Variants in PTPRC observed in about 807,000 individuals in gnomAD.
PTPRC encodes the protein receptor-type tyrosine-protein phosphatase C.
A neutral mutation model predicts 155.9 loss-of-function variants in PTPRC; 44 were observed. The ratio of observed to expected loss-of-function variants is 0.28; its 90% CI spans 0.22 to 0.36. The LOEUF (loss-of-function observed/expected upper bound fraction) is 0.36, where lower values mean the gene tolerates loss of function less well. PTPRC is among the 10% of genes least tolerant of loss of function. PTPRC has a pLI of 1.00. For missense variants in PTPRC, 1,401 were observed against 1,564.6 expected (o/e 0.90, Z 1.76); for synonymous variants, 525 against 533.1 (o/e 0.98, Z 0.21).
intron 2 of PTPRC, among the ~76,000 whole-genome samples, chr1:198,647,292 T>C (rs1330265674): frequency 6.6e-6 from 1 of 151,844 alleles, no homozygotes; most frequent in Non-Finnish European, 1.5e-5. Flanking sequence ...CAGCAACTGG[T>C]GAGCTCATGT....
Position 198,754,266 on chromosome 1 carries a change from T to C in PTPRC, c.3510-3T>C, listed in dbSNP as rs142096878. 2.9e-4 allele frequency: 465 copies of C among 1,607,198 alleles called. 2 individuals carry two copies. In the African/African-American group the frequency reaches 5.8e-3, roughly 20 times the overall value. Reference sequence around the variant, plus strand: ...TATTTTCTATCTTTTCTTTCTTTTATAGGGATGGATCTCAGCAAACGGGAA... The same window carrying C: ...TATTTTCTATCTTTTCTTTCTTTTACAGGGATGGATCTCAGCAAACGGGAA... On this transcript the variant is annotated splice_polypyrimidine_tract_variant and splice_region_variant and intron_variant, in intron 31 of 32. Transcript: ENST00000442510.
At chr1:198,736,974 C>T (rs1338168690) in intron 23 of PTPRC, among the ~76,000 whole-genome samples, 1 of 151,416 alleles carries the variant, frequency 6.6e-6, no homozygotes, top group African/African-American at 2.4e-5. Flanking sequence ...ATCTGTTTAC[C>T]ATTTGTATGT....
chr1:198,757,038 A>AAAT lies in PTPRC; in HGVS notation c.*859_*861dup, dbSNP rs1408327747. 1 of 151,934 alleles carries AAAT rather than the reference A, an allele frequency of 6.6e-6. No individual in the cohort carries two copies. Among genetic ancestry groups the AAAT allele is most frequent in the Non-Finnish European group, 1.5e-5 (1 of 67,860 alleles). 9.4% of individuals were successfully genotyped at this position (151,934 alleles called of 1,614,324 possible). On this transcript the variant is annotated 3_prime_UTR_variant, in exon 33 of 33. Coordinates refer to ENST00000442510, the MANE Select transcript of PTPRC (RefSeq NM_002838.5). ...ATATGTATTAATATTCATTGTATAA[A>AAAT]AATAGAAGAATACAAACATATTTGT...
intron 10 of PTPRC, among the ~76,000 whole-genome samples, chr1:198,709,296 G>A (rs1653161289): frequency 6.6e-6 from 1 of 152,044 alleles, no homozygotes; most frequent in Non-Finnish European, 1.5e-5. Flanking sequence ...ACATAACACA[G>A]AATTTAGTCA....
chr1:198,712,882 C>A, intron 11 of PTPRC, 71 bp from the exon 12 acceptor site: 2 of 1,465,410 alleles, frequency 1.4e-6, no homozygotes, highest in Admixed American at 1.7e-5. Flanking sequence ...ATAATGCATG[C>A]TTATAATATG....
chr1:198,677,025 A>G (rs1303777523), intron 2 of PTPRC, among the ~76,000 whole-genome samples: 1 of 152,220 alleles, frequency 6.6e-6, no homozygotes, highest in East Asian at 1.9e-4. Flanking sequence ...AGTTTTATCT[A>G]TAACTGGATT....
At chr1:198,684,261 G>A (rs1041516908) in intron 2 of PTPRC, among the ~76,000 whole-genome samples, 1 of 151,286 alleles carries the variant, frequency 6.6e-6, no homozygotes, top group African/African-American at 2.4e-5. Flanking sequence ...ATAACATGAT[G>A]TTTTAAACCA....
At chr1:198,727,547 T>G (rs185922478) in intron 15 of PTPRC, among the ~76,000 whole-genome samples, 2 of 152,246 alleles carry the variant, frequency 1.3e-5, no homozygotes, top group East Asian at 3.9e-4. Context: ...TTAGCCACAT[T>G]TTAGGATTTT....
chr1:198,664,721 G>C (rs1316893619), intron 2 of PTPRC, among the ~76,000 whole-genome samples: 2 of 152,092 alleles, frequency 1.3e-5, no homozygotes, highest in Admixed American at 1.3e-4. Context: ...AGAATAGGCT[G>C]TTTGGGAAGA....
chr1:198,720,805 A>G (rs903500930), intron 14 of PTPRC, among the ~76,000 whole-genome samples: 1 of 152,182 alleles, frequency 6.6e-6, no homozygotes, highest in Non-Finnish European at 1.5e-5. Context: ...TTCAAAGAAT[A>G]GTCAACCTAA....
At chr1:198,691,827 T>A (rs1665943794) in intron 2 of PTPRC, among the ~76,000 whole-genome samples, 1 of 152,070 alleles carries the variant, frequency 6.6e-6, no homozygotes, top group South Asian at 2.1e-4. Flanking sequence ...CCTGTTATGT[T>A]CTCCTTTAGC....
chr1:198,729,063 TA>T, intron 16 of PTPRC, 73 bp from the exon 17 acceptor site: 1 of 1,521,320 alleles, frequency 6.6e-7, no homozygotes, highest in Non-Finnish European at 9.0e-7. Flanking sequence ...ATATATTCAT[TA>T]AATATAAGTA....
At chr1:198,704,223 A>G (rs1161993694) in intron 7 of PTPRC, among the ~76,000 whole-genome samples, 2 of 152,166 alleles carry the variant, frequency 1.3e-5, no homozygotes, top group East Asian at 3.8e-4. Context: ...GCGTACCTAA[A>G]AGTCTTAATA....
chr1:198,733,264 CTA>C (rs1654480569), intron 20 of PTPRC, among the ~76,000 whole-genome samples: 2 of 151,672 alleles, frequency 1.3e-5, no homozygotes. Context: ...CCAGAAATAA[CTA>C]TATTTTCTAT....
chr1:198,734,447 A>C lies in PTPRC; in HGVS notation c.2277+22A>C, dbSNP rs755042765. On this transcript the variant is annotated intron_variant, in intron 22 of 32. Transcript: ENST00000442510. Reference sequence around the variant, plus strand: ...CAGGGTAAGAACCAAGAAGATTCATAGTGTGGGTCTTGGGGTTAGGAAAAC... The same window carrying C: ...CAGGGTAAGAACCAAGAAGATTCATCGTGTGGGTCTTGGGGTTAGGAAAAC... 1.9e-6 allele frequency: 3 copies of C among 1,602,644 alleles called. No individual in the cohort carries two copies. In the African/African-American group the frequency reaches 4.0e-5, roughly 22 times the overall value.
intron 15 of PTPRC, 144 bp downstream of exon 15, chr1:198,722,620 C>A: frequency 2.8e-6 from 1 of 362,754 alleles, no homozygotes; most frequent in South Asian, 9.6e-5. Context: ...TTTTAATTGT[C>A]AGTAAAACCA....
intron 2 of PTPRC, among the ~76,000 whole-genome samples, chr1:198,649,075 T>G (rs577293724): frequency 6.6e-6 from 1 of 151,874 alleles, no homozygotes; most frequent in South Asian, 2.1e-4. Flanking sequence ...ACCAGGTAAA[T>G]CCATCCTACA....
At chr1:198,668,251 C>T (rs933480014) in intron 2 of PTPRC, among the ~76,000 whole-genome samples, 2 of 151,996 alleles carry the variant, frequency 1.3e-5, no homozygotes, top group Admixed American at 6.6e-5. Context: ...TCACTATATT[C>T]CCCAGGCTGG....
chr1:198,640,356 T>C (rs1459074646), intron 2 of PTPRC, among the ~76,000 whole-genome samples: 1 of 151,952 alleles, frequency 6.6e-6, no homozygotes, highest in Admixed American at 6.6e-5. Context: ...CTTTGAAGTC[T>C]TTTTTTGACT....
Sources: gnomAD v4.1 joint callset for allele counts (sites outside exome capture counted in the v4.1 genomes callset) on GRCh38, gnomAD v4.1.1 for gene constraint, MANE v1.5 for transcripts, NCBI Gene and HGNC (gene_info 2026-07-23, HGNC 2026-07-21) for gene names.